Variants in INTU observed in about 807,000 individuals in gnomAD.
The protein encoded by INTU is protein inturned.
INTU carries 68 observed loss-of-function variants against 100.5 expected under a neutral mutation model. The observed-to-expected ratio is 0.68, with a 90% CI of 0.56 to 0.83. INTU has a LOEUF of 0.83. Ranked by LOEUF, INTU falls within the 40% of genes least tolerant of loss-of-function variation. The probability of loss-of-function intolerance (pLI) is 0.00; values close to 1 mark genes in which losing one functional copy is unlikely to be tolerated. For synonymous variants in INTU, 357 were observed against 395.7 expected (o/e 0.90, Z 1.16); for missense variants, 1,071 against 1,114.7 (o/e 0.96, Z 0.56).
rs974893174 is a variant in INTU at position 127,647,867 on chromosome 4, A to G, written c.682+3811A>G. 6.6e-4 allele frequency among the ~76,000 whole-genome samples: 101 copies of G among 152,158 alleles called. 1 individual carries two copies. The highest frequency in any genetic ancestry group is 7.2e-4 in the Non-Finnish European group (49 of 68,036). On this transcript the variant is annotated intron_variant, in intron 2 of 15. Transcript: ENST00000335251. ...AATTTAAGTTGTATATTCATTTTAT[A>G]TATAGTATAAACACAGCAGTAAACA...
At chr4:127,656,415 TG>T (rs1208713291) in intron 2 of INTU, among the ~76,000 whole-genome samples, 1 of 152,224 alleles carries the variant, frequency 6.6e-6, no homozygotes, top group Non-Finnish European at 1.5e-5. Flanking sequence ...GTATTATTTA[TG>T]GTGCAATAAT....
intron 9 of INTU, among the ~76,000 whole-genome samples, chr4:127,702,036 T>C (rs1215143540): frequency 6.6e-6 from 1 of 152,192 alleles, no homozygotes; most frequent in Non-Finnish European, 1.5e-5. Context: ...AGTTCAGATC[T>C]AAAGTATTAA....
At chr4:127,684,996 C>A (rs1447163743) in intron 7 of INTU, among the ~76,000 whole-genome samples, 2 of 151,950 alleles carry the variant, frequency 1.3e-5, no homozygotes, top group Non-Finnish European at 2.9e-5. Flanking sequence ...AATTCACTAT[C>A]CTGAAATATG....
At chr4:127,634,546 G>A (rs151250210) in intron 1 of INTU, among the ~76,000 whole-genome samples, 61 of 152,298 alleles carry the variant, frequency 4.0e-4, no homozygotes, top group African/African-American at 1.3e-3. Context: ...AGGACCTTGT[G>A]ATAGGAGAAC....
intron 3 of INTU, among the ~76,000 whole-genome samples, chr4:127,662,643 G>T (rs1728524132): frequency 6.6e-6 from 1 of 152,054 alleles, no homozygotes; most frequent in African/African-American, 2.4e-5. Flanking sequence ...TACACCAGGG[G>T]TCCCCAACCC....
chr4:127,654,830 T>G (rs1275406876), intron 2 of INTU, among the ~76,000 whole-genome samples: 104 of 146,252 alleles, frequency 7.1e-4, no homozygotes, highest in Admixed American at 1.8e-3. Flanking sequence ...TCCAACTTGG[T>G]TCCATTCTCC....
At position 127,705,600 on chromosome 4, in the gene INTU, A is replaced by T. The variant is rs1317414562; in HGVS notation, c.1576A>T (p.Ile526Leu). ...GSSLFYKGYL[I>L]CSHLPKDDLI... ...TGTGGTTAAATTCAAGGGTTATTTG[A>T]TATGCAGTCATTTGCCCAAGGATGA... Residue 526 changes from isoleucine (I) to leucine (L), a missense_variant, in exon 11 of 16, where the codon ATA (isoleucine) becomes TTA (leucine). By Grantham distance (5) the Ile-to-Leu change is conservative. Coordinates refer to ENST00000335251, the MANE Select transcript of INTU (RefSeq NM_015693.4). The T allele has an allele frequency of 5.6e-6, 9 of 1,613,222 alleles. No homozygotes were observed. The highest frequency in any genetic ancestry group is 1.7e-5 in the Admixed American group (1 of 60,002).
At chr4:127,678,106 A>G (rs1200329943) in intron 6 of INTU, among the ~76,000 whole-genome samples, 5 of 152,254 alleles carry the variant, frequency 3.3e-5, no homozygotes. Flanking sequence ...CTATGTGGAA[A>G]GACCAAATCT....
intron 9 of INTU, among the ~76,000 whole-genome samples, chr4:127,703,548 T>G (rs1730743230): frequency 6.6e-6 from 1 of 152,190 alleles, no homozygotes. Context: ...ACATATATTT[T>G]GTTCTGCAGC....
rs1731305311 is a variant in INTU at position 127,718,777 on chromosome 4, T to C, written c.*2341T>C. 1 of 152,158 alleles carries C rather than the reference T, an allele frequency of 6.6e-6. No homozygotes were observed. Among genetic ancestry groups the C allele is most frequent in the Non-Finnish European group, 1.5e-5 (1 of 68,030 alleles). The allele number at this position is 152,158 out of a possible 1,614,324, so 9.4% of individuals were successfully genotyped here. A position where few individuals can be genotyped will look rare whatever the true frequency, so the allele number is the denominator to read the frequency against. On this transcript the variant is annotated 3_prime_UTR_variant, in exon 16 of 16. Coordinates refer to ENST00000335251, the MANE Select transcript of INTU (RefSeq NM_015693.4). ...AGTAGGAGTTCATTCATGATTTGGA[T>C]CTCTGCTTGCCTGTTGTTGGTGTAT...
intron 2 of INTU, among the ~76,000 whole-genome samples, chr4:127,650,375 C>G (rs1451656250): frequency 3.6e-5 from 4 of 112,306 alleles, no homozygotes; most frequent in African/African-American, 1.4e-4. Context: ...CCTCCCCCCT[C>G]CCCCCACCCC....
At position 127,644,053 on chromosome 4, in the gene INTU, A is replaced by G; in HGVS notation, c.679A>G (p.Ile227Val). 1.2e-6 allele frequency: 2 copies of G among 1,610,716 alleles called. No individual in the cohort carries two copies. The highest frequency in any genetic ancestry group is 1.7e-6 in the Non-Finnish European group (2 of 1,177,564). The change falls in exon 2 of 16, where the codon ATT becomes GTT. Residue 227 changes from isoleucine (I) to valine (V), a missense_variant. Transcript: ENST00000335251. ...GSAMKSGQVL[I>V]GDVLVAVNDV... ...TGCTATGAAGAGCGGTCAGGTACTC[A>G]TTGGTAAGTGTTGCTGGTACACATC...
intron 9 of INTU, 89 bp downstream of exon 9, chr4:127,700,152 A>G (rs1730586523): frequency 5.5e-6 from 6 of 1,092,410 alleles, no homozygotes; most frequent in Non-Finnish European, 6.8e-6. Context: ...AAGTGGATAT[A>G]TAATAATCTT....
chr4:127,708,788 G>A, intron 13 of INTU, 120 bp downstream of exon 13: 3 of 549,288 alleles, frequency 5.5e-6, no homozygotes, highest in South Asian at 2.6e-5. Flanking sequence ...ACATATTAAA[G>A]GTAATATCTG....
At chr4:127,702,677 AATTAG>A (rs1290930107) in intron 9 of INTU, among the ~76,000 whole-genome samples, 4 of 152,168 alleles carry the variant, frequency 2.6e-5, no homozygotes, top group Non-Finnish European at 5.9e-5. Context: ...TTTTTGGTGA[AATTAG>A]ATTAAAGATT....
chr4:127,646,498 A>T (rs1469239486), intron 2 of INTU, among the ~76,000 whole-genome samples: 1 of 152,018 alleles, frequency 6.6e-6, no homozygotes, highest in African/African-American at 2.4e-5. Context: ...TCTTTTTGTG[A>T]TATTAACAGT....
rs1731388291 is a variant in INTU at position 127,724,303 on chromosome 4, C to G, written c.*7867C>G. 1 of 151,942 alleles carries G rather than the reference C, an allele frequency of 6.6e-6. No homozygotes were observed. The highest frequency in any genetic ancestry group is 2.1e-4 in the South Asian group (1 of 4,820). The allele number at this position is 151,942 out of a possible 1,614,324, so 9.4% of individuals were successfully genotyped here. On this transcript the variant is annotated 3_prime_UTR_variant, in exon 16 of 16. Coordinates refer to ENST00000335251, the MANE Select transcript of INTU (RefSeq NM_015693.4). ...GGCGTGGTGGTGTGCACCTGTAATCCTAGCTACCTAGGAGGCTGAGGCAGG... is the reference window on the plus strand; with the variant it reads ...GGCGTGGTGGTGTGCACCTGTAATCGTAGCTACCTAGGAGGCTGAGGCAGG...
At chr4:127,655,565 A>G (rs938538883) in intron 2 of INTU, among the ~76,000 whole-genome samples, 12 of 151,626 alleles carry the variant, frequency 7.9e-5, no homozygotes, top group Non-Finnish European at 1.6e-4. Context: ...CCACTTGAGG[A>G]GGCAGTCTGC....
rs1386398762 is a variant in INTU, at chr4:127,719,822, G to A, written c.*3386G>A. The stretch of plus-strand genomic sequence containing the variant: ...TGTTTATATTTCCATGGGATCAGTG[G>A]TAATATCCCCTTTATCATTTTTTAT... On this transcript the variant is annotated 3_prime_UTR_variant, in exon 16 of 16. Transcript: ENST00000335251. The A allele has an allele frequency of 1.3e-5, 2 of 151,960 alleles. No individual in the cohort carries two copies. Among genetic ancestry groups the A allele is most frequent in the Non-Finnish European group, 2.9e-5 (2 of 67,986 alleles). 9.4% of individuals were successfully genotyped at this position (151,960 alleles called of 1,614,324 possible). A position where few individuals can be genotyped will look rare whatever the true frequency, so the allele number is the denominator to read the frequency against.
Sources: allele counts gnomAD v4.1 joint callset (sites outside exome capture counted in the v4.1 genomes callset), GRCh38; gene constraint gnomAD v4.1.1; transcripts MANE v1.5; gene names NCBI Gene and HGNC (gene_info 2026-07-23, HGNC 2026-07-21).